The following PIWIL1 variants were observed in gnomAD, a reference collection of about 807,000 sequenced individuals.
The protein encoded by PIWIL1 is piwi-like protein 1.
In PIWIL1, 73 loss-of-function variants were observed where a neutral mutation model predicts 114.4. The ratio of observed to expected loss-of-function variants is 0.64; its 90% CI spans 0.53 to 0.78. PIWIL1 has a LOEUF of 0.78. PIWIL1 is among the 30% of genes least tolerant of loss of function. The pLI is 0.00. For missense variants in PIWIL1, 723 were observed against 1,063.1 expected (o/e 0.68, Z 4.45); for synonymous variants, 375 against 369.0 (o/e 1.02, Z -0.19).
At chr12:130,360,281 A>G (rs1205604592) in intron 14 of PIWIL1, among the ~76,000 whole-genome samples, 1 of 152,222 alleles carries the variant, frequency 6.6e-6, no homozygotes, top group Non-Finnish European at 1.5e-5. Context: ...TTTGCTGGGC[A>G]CTATAAAAAG....
chr12:130,401,328 C>A, the PIWIL1 span, among the ~76,000 whole-genome samples: 1 of 152,104 alleles, frequency 6.6e-6, no homozygotes, highest in East Asian at 1.9e-4. Context: ...GTTGGCCAAG[C>A]TGGTCTCGAA....
At chr12:130,352,140 T>G (rs2073228989) in intron 9 of PIWIL1, among the ~76,000 whole-genome samples, 1 of 152,130 alleles carries the variant, frequency 6.6e-6, no homozygotes, top group Admixed American at 6.5e-5. Flanking sequence ...TAGAAATAAT[T>G]AATGAAAGAG....
downstream of PIWIL1, among the ~76,000 whole-genome samples, chr12:130,374,045 G>A (rs1173913755): frequency 1.3e-5 from 2 of 152,190 alleles, no homozygotes; most frequent in Non-Finnish European, 2.9e-5. Context: ...GAACCCCAGG[G>A]ATTTGGTGGG....
intron 11 of PIWIL1, 37 bp downstream of exon 11, chr12:130,355,042 TTGTGTTTAGTATTTTA>T: frequency 7.8e-7 from 1 of 1,284,982 alleles, no homozygotes; most frequent in South Asian, 1.2e-5. Flanking sequence ...GGTTTCAGTT[TTGTGTTTAGTATTTTA>T]TGTGGCTTTG....
At chr12:130,353,474 A>G (rs554406851) in intron 9 of PIWIL1, among the ~76,000 whole-genome samples, 70 of 151,874 alleles carry the variant, frequency 4.6e-4, no homozygotes, top group Non-Finnish European at 7.5e-4. Flanking sequence ...GATGCTAAGA[A>G]AATCTGTTTT....
chr12:130,346,686 G>C, intron 5 of PIWIL1, 102 bp downstream of exon 5: 1 of 984,330 alleles, frequency 1.0e-6, no homozygotes, highest in Non-Finnish European at 1.5e-6. Context: ...GGAGTCTCCT[G>C]TCTGATATGA....
the PIWIL1 span, chr12:130,424,596 C>T: frequency 1.6e-6 from 2 of 1,231,934 alleles, no homozygotes; most frequent in Non-Finnish European, 2.0e-6. This position sits in a 1 kb window ranked among gnomAD's most constrained non-coding sequence, Gnocchi z 9.8. Context: ...GGGGACGGCC[C>T]CCGAGCCCCT....
chr12:130,377,565 A>G (rs1481206288), downstream of PIWIL1, among the ~76,000 whole-genome samples: 1 of 152,200 alleles, frequency 6.6e-6, no homozygotes, highest in Non-Finnish European at 1.5e-5. Flanking sequence ...TGGATTCTAA[A>G]TCTCAGCTTC....
At chr12:130,424,155 G>A in the PIWIL1 span, 16 of 1,231,928 alleles carry the variant, frequency 1.3e-5, no homozygotes, top group African/African-American at 2.3e-4. The surrounding 1 kb of genome is among the most constrained non-coding windows in gnomAD (Gnocchi z 9.8). Flanking sequence ...GGGGCCTTGT[G>A]CGACTCTGGG....
chr12:130,392,137 C>CAT, the PIWIL1 span, among the ~76,000 whole-genome samples: 1 of 113,844 alleles, frequency 8.8e-6, no homozygotes, highest in Admixed American at 8.9e-5. Context: ...ACCGTCATCA[C>CAT]GTGTCCGTCA....
chr12:130,353,200 G>A (rs2073261929), intron 9 of PIWIL1, among the ~76,000 whole-genome samples: 5 of 151,430 alleles, frequency 3.3e-5, no homozygotes, highest in Admixed American at 3.3e-4. Context: ...TGTGTGTGTG[G>A]TTTTTTGTTC....
chr12:130,362,363 G>A (rs746857808), intron 16 of PIWIL1, among the ~76,000 whole-genome samples: 18 of 152,220 alleles, frequency 1.2e-4, no homozygotes, highest in Non-Finnish European at 2.2e-4. Flanking sequence ...TAGAGGTAAC[G>A]GATGGAGCTG....
the PIWIL1 span, chr12:130,412,921 A>G: frequency 2.1e-5 from 18 of 838,180 alleles, no homozygotes; most frequent in Non-Finnish European, 3.1e-5. Flanking sequence ...AATCACCTGC[A>G]TAGGTCACCC....
At chr12:130,403,311 A>AAAG in the PIWIL1 span, among the ~76,000 whole-genome samples, 1 of 152,216 alleles carries the variant, frequency 6.6e-6, no homozygotes, top group East Asian at 1.9e-4. Context: ...TGGTAAATAA[A>AAAG]AAGAAGCATA....
intron 18 of PIWIL1, among the ~76,000 whole-genome samples, chr12:130,365,522 A>T (rs565141785): frequency 1.3e-5 from 2 of 152,230 alleles, no homozygotes; most frequent in African/African-American, 4.8e-5. Flanking sequence ...TTTGTCTAAT[A>T]GTTATCATTA....
chr12:130,379,104 A>G, the PIWIL1 span, among the ~76,000 whole-genome samples: 2 of 152,236 alleles, frequency 1.3e-5, no homozygotes, highest in African/African-American at 4.8e-5. Flanking sequence ...TTACTAAATA[A>G]TATTTGGAAT....
At chr12:130,375,278 G>A (rs1014376700), downstream of PIWIL1, among the ~76,000 whole-genome samples, 1 of 152,136 alleles carries the variant, frequency 6.6e-6, no homozygotes, top group Admixed American at 6.5e-5. Flanking sequence ...AGAAAAGCAC[G>A]CAACCCTGTG....
At chr12:130,347,865 A>T (rs776940212) in intron 6 of PIWIL1, among the ~76,000 whole-genome samples, 1 of 152,202 alleles carries the variant, frequency 6.6e-6, no homozygotes, top group African/African-American at 2.4e-5. Context: ...CTATTGGTGG[A>T]TGCTGAAGTC....
the PIWIL1 span, among the ~76,000 whole-genome samples, chr12:130,382,534 A>C: frequency 2.8e-4 from 43 of 152,394 alleles, no homozygotes; most frequent in African/African-American, 9.4e-4. Flanking sequence ...CTTGCTGGCC[A>C]AATGGATTTG....
Sources: gnomAD v4.1 joint callset for allele counts (sites outside exome capture counted in the v4.1 genomes callset) on GRCh38, gnomAD v4.1.1 for gene constraint, Gnocchi (gnomAD v3.1) non-coding constraint, MANE v1.5 for transcripts, NCBI Gene and HGNC (gene_info 2026-07-23, HGNC 2026-07-21) for gene names.